The following DTNA variants were observed in gnomAD, a reference collection of about 807,000 sequenced individuals.
DTNA encodes the protein dystrophin-related protein 3.
In DTNA, 43 loss-of-function variants were observed where a neutral mutation model predicts 100.7. The observed-to-expected ratio is 0.43, with a 90% CI of 0.33 to 0.55. The LOEUF is 0.55. DTNA is among the 20% of genes least tolerant of loss of function. The probability of loss-of-function intolerance (pLI) is 0.04; values close to 1 mark genes in which losing one functional copy is unlikely to be tolerated. For synonymous variants in DTNA, 349 were observed against 347.9 expected (o/e 1.00, Z -0.04); for missense variants, 798 against 953.9 (o/e 0.84, Z 2.15).
chr18:34,567,342 A>G (rs1045579642), intron 1 of DTNA, among the ~76,000 whole-genome samples: 1 of 152,182 alleles, frequency 6.6e-6, no homozygotes, highest in Non-Finnish European at 1.5e-5. Context: ...GTTACCTTAA[A>G]AAGTTGAGCT....
At chr18:34,736,147 G>A (rs989882611) in intron 1 of DTNA, among the ~76,000 whole-genome samples, 2 of 152,140 alleles carry the variant, frequency 1.3e-5, no homozygotes, top group Non-Finnish European at 2.9e-5. Context: ...GAGTACTGTA[G>A]TTTGTAGCTG....
intron 21 of DTNA, 115 bp downstream of exon 21, chr18:34,882,316 A>G (rs1360459134): frequency 3.6e-6 from 5 of 1,381,862 alleles, no homozygotes; most frequent in Non-Finnish European, 5.0e-6. Flanking sequence ...TCCCTTTTCA[A>G]AATACACTGA....
At chr18:34,882,301 C>G (rs955307333) in intron 21 of DTNA, 100 bp downstream of exon 21, 5 of 1,492,774 alleles carry the variant, frequency 3.3e-6, no homozygotes, top group African/African-American at 1.4e-5. Context: ...TTCTTCCTTC[C>G]ACCCTCCCTT....
chr18:34,860,088 C>G (rs2096600285), intron 16 of DTNA, among the ~76,000 whole-genome samples: 2 of 152,160 alleles, frequency 1.3e-5, no homozygotes, highest in East Asian at 1.9e-4. Flanking sequence ...ACTCTGTCAC[C>G]CAGGCTGGAG....
intron 1 of DTNA, among the ~76,000 whole-genome samples, chr18:34,646,937 A>G (rs535879581): frequency 6.6e-6 from 1 of 151,976 alleles, no homozygotes; most frequent in Non-Finnish European, 1.5e-5. Context: ...GATGGTCTCG[A>G]TCTCTTGACC....
At chr18:34,876,716 G>A (rs968662317) in intron 18 of DTNA, among the ~76,000 whole-genome samples, 28 of 152,122 alleles carry the variant, frequency 1.8e-4, no homozygotes, top group African/African-American at 6.5e-4. Context: ...AGAGAATGAT[G>A]AACTCTCTAC....
intron 1 of DTNA, among the ~76,000 whole-genome samples, chr18:34,586,395 C>T (rs1255536513): frequency 1.3e-5 from 2 of 150,370 alleles, no homozygotes; most frequent in East Asian, 1.9e-4. Flanking sequence ...CCTGTCTTGT[C>T]GGGTTTTTTT....
At chr18:34,527,543 A>G (rs1406716722) in intron 1 of DTNA, among the ~76,000 whole-genome samples, 9 of 152,082 alleles carry the variant, frequency 5.9e-5, no homozygotes, top group Non-Finnish European at 5.9e-5. Flanking sequence ...TAAGTGGCAA[A>G]ACAAATCTGT....
chr18:34,552,898 T>C (rs2045599778), intron 1 of DTNA, among the ~76,000 whole-genome samples: 1 of 143,660 alleles, frequency 7.0e-6, no homozygotes, highest in South Asian at 2.2e-4. Flanking sequence ...TACCCAGTAA[T>C]GGGATGGCTG....
chr18:34,697,367 C>T (rs1485036831), intron 1 of DTNA, among the ~76,000 whole-genome samples: 3 of 152,160 alleles, frequency 2.0e-5, no homozygotes, highest in Admixed American at 1.3e-4. Context: ...TTCAAAAATA[C>T]CTACATAACT....
chr18:34,598,280 T>G (rs2051055193), intron 1 of DTNA, among the ~76,000 whole-genome samples: 1 of 151,934 alleles, frequency 6.6e-6, no homozygotes, highest in Non-Finnish European at 1.5e-5. Context: ...AGTAGAAATT[T>G]AAGTATGGTG....
At chr18:34,588,161 A>C (rs565877906) in intron 1 of DTNA, among the ~76,000 whole-genome samples, 1 of 152,332 alleles carries the variant, frequency 6.6e-6, no homozygotes, top group African/African-American at 2.4e-5. Flanking sequence ...CTATAGACTT[A>C]AGATTCATGA....
chr18:34,576,507 C>T (rs1269409701), intron 1 of DTNA, among the ~76,000 whole-genome samples: 1 of 151,956 alleles, frequency 6.6e-6, no homozygotes, highest in East Asian at 1.9e-4. Context: ...ACTCTGTCAC[C>T]CAGGCTGGAG....
chr18:34,792,435 G>GA (rs555818470), intron 3 of DTNA, among the ~76,000 whole-genome samples: 1 of 152,108 alleles, frequency 6.6e-6, no homozygotes, highest in East Asian at 1.9e-4. Flanking sequence ...GAGAAGTCAA[G>GA]AAAAAAGTCA....
chr18:34,572,170 A>C (rs2047651674), intron 1 of DTNA, among the ~76,000 whole-genome samples: 1 of 152,184 alleles, frequency 6.6e-6, no homozygotes, highest in Admixed American at 6.5e-5. Flanking sequence ...GGATAAACAG[A>C]TTTAGATAAA....
At chr18:34,643,171 G>A (rs1377385959) in intron 1 of DTNA, among the ~76,000 whole-genome samples, 2 of 152,312 alleles carry the variant, frequency 1.3e-5, no homozygotes, top group East Asian at 3.9e-4. Context: ...GATGTGTCAT[G>A]GCTCTTGGTT....
chr18:34,721,918 G>A (rs1208117920), intron 1 of DTNA, among the ~76,000 whole-genome samples: 2 of 152,160 alleles, frequency 1.3e-5, no homozygotes, highest in African/African-American at 4.8e-5. Context: ...AGTGATTAAA[G>A]TCTGGGCAGG....
At chr18:34,604,396 A>G (rs143802290) in intron 1 of DTNA, among the ~76,000 whole-genome samples, 1,615 of 152,210 alleles carry the variant, frequency 0.011, 7 homozygotes, top group Admixed American at 0.021. Context: ...TTTTCCTTTA[A>G]TTAATTTTGG....
At chr18:34,607,512 C>A (rs983914664) in intron 1 of DTNA, among the ~76,000 whole-genome samples, 1 of 152,128 alleles carries the variant, frequency 6.6e-6, no homozygotes, top group Non-Finnish European at 1.5e-5. Flanking sequence ...TAGCTGAATA[C>A]TTTCCAAACT....
Sources: gnomAD v4.1 joint callset for allele counts (sites outside exome capture counted in the v4.1 genomes callset) on GRCh38, gnomAD v4.1.1 for gene constraint, MANE v1.5 for transcripts, NCBI Gene and HGNC (gene_info 2026-07-23, HGNC 2026-07-21) for gene names.